SPPL3: variants seen among roughly 807,000 people sequenced by gnomAD.
SPPL3 encodes the protein signal peptide peptidase like 3, also known as signal peptide peptidase-like 3.
A neutral mutation model predicts 42.4 loss-of-function variants in SPPL3; 5 were observed. The ratio of observed to expected loss-of-function variants is 0.12; its 90% CI spans 0.06 to 0.25. The LOEUF is 0.25. Among genes scored for constraint, SPPL3 ranks in the 10% least tolerant of loss-of-function variants. The pLI, the probability that SPPL3 is intolerant of heterozygous loss-of-function variation, is 1.00. For synonymous variants in SPPL3, 195 were observed against 181.8 expected (o/e 1.07, Z -0.58); for missense variants, 235 against 489.0 (o/e 0.48, Z 4.90).
chr12:120,901,634 T>A, intron 1 of SPPL3, among the ~76,000 whole-genome samples: 1 of 146,950 alleles, frequency 6.8e-6, no homozygotes, highest in Non-Finnish European at 1.5e-5. Flanking sequence ...CTTTCCCCAG[T>A]CTCCCCTTAT....
chr12:120,861,810 A>G (rs1872623919), intron 1 of SPPL3, among the ~76,000 whole-genome samples: 1 of 152,222 alleles, frequency 6.6e-6, no homozygotes, highest in Non-Finnish European at 1.5e-5. Flanking sequence ...GATACCCAAG[A>G]TTTCTGAGAT....
chr12:120,872,527 T>C (rs1450843191), intron 1 of SPPL3, among the ~76,000 whole-genome samples: 1 of 152,090 alleles, frequency 6.6e-6, no homozygotes, highest in Non-Finnish European at 1.5e-5. Context: ...CCAACAGAGC[T>C]GGGGGAAGCT....
intron 2 of SPPL3, among the ~76,000 whole-genome samples, chr12:120,800,041 A>G (rs1295542898): frequency 6.6e-6 from 1 of 152,216 alleles, no homozygotes; most frequent in Non-Finnish European, 1.5e-5. Context: ...TGGACCTAGA[A>G]CAGTTCGCTG....
chr12:120,807,606 G>A (rs1054328728), intron 2 of SPPL3, among the ~76,000 whole-genome samples: 13 of 151,576 alleles, frequency 8.6e-5, no homozygotes, highest in African/African-American at 2.7e-4. Context: ...CCTGGGAGGC[G>A]GAGGTTGTGG....
At chr12:120,885,274 A>G (rs1389351384) in intron 1 of SPPL3, among the ~76,000 whole-genome samples, 3 of 152,224 alleles carry the variant, frequency 2.0e-5, no homozygotes, top group Admixed American at 1.3e-4. Flanking sequence ...AAACTGATTA[A>G]AAAGATAGTA....
At chr12:120,887,941 G>C (rs939523722) in intron 1 of SPPL3, among the ~76,000 whole-genome samples, 1 of 152,212 alleles carries the variant, frequency 6.6e-6, no homozygotes, top group African/African-American at 2.4e-5. Context: ...GTTTTGGAAA[G>C]CTGTTTGGCA....
intron 1 of SPPL3, among the ~76,000 whole-genome samples, chr12:120,890,552 G>C (rs1873605878): frequency 7.3e-6 from 1 of 136,184 alleles, no homozygotes; most frequent in African/African-American, 2.8e-5. Context: ...TCGCGCCATT[G>C]TACTCCAGCC....
At chr12:120,845,524 T>C in intron 1 of SPPL3, 1 of 451,594 alleles carries the variant, frequency 2.2e-6, no homozygotes, top group Non-Finnish European at 4.3e-6. Context: ...GGAATGGTGG[T>C]CACCATCTCC....
chr12:120,841,864 A>T (rs547402316), intron 1 of SPPL3, among the ~76,000 whole-genome samples: 1 of 152,340 alleles, frequency 6.6e-6, no homozygotes, highest in African/African-American at 2.4e-5. Flanking sequence ...AAGCAAAATA[A>T]GCATCAATAT....
chr12:120,811,917 G>A (rs532939012), intron 1 of SPPL3, among the ~76,000 whole-genome samples: 1 of 152,192 alleles, frequency 6.6e-6, no homozygotes, highest in Non-Finnish European at 1.5e-5. Flanking sequence ...GAGAAGTATA[G>A]GGTACTATGA....
chr12:120,815,935 G>C (rs1253159876), intron 1 of SPPL3, among the ~76,000 whole-genome samples: 5 of 151,898 alleles, frequency 3.3e-5, no homozygotes, highest in Non-Finnish European at 7.4e-5. Flanking sequence ...TTGTCACGTT[G>C]CCCAGGCTGG....
intron 6 of SPPL3, among the ~76,000 whole-genome samples, chr12:120,771,800 C>G (rs1414915626): frequency 2.0e-5 from 3 of 152,214 alleles, no homozygotes; most frequent in Admixed American, 6.5e-5. Context: ...AGGGCACTCT[C>G]CACTGTACAG....
intron 2 of SPPL3, among the ~76,000 whole-genome samples, chr12:120,809,633 C>T (rs1486014599): frequency 6.6e-6 from 1 of 152,168 alleles, no homozygotes; most frequent in Admixed American, 6.5e-5. Context: ...TAAAGTTCCT[C>T]TCGACTGAGG....
chr12:120,852,760 CTATGT>C lies in SPPL3; in HGVS notation c.24-41879_24-41875del, dbSNP rs1872286051. On this transcript the variant is annotated intron_variant, in intron 1 of 10. Transcript: ENST00000353487. ...ATATAATATATTTCATATATTATAT[CTATGT>C]ATATTATATATAAAATATATTTCAT... Among the ~76,000 whole-genome samples, 142 of 50,908 alleles carry C rather than the reference CTATGT, an allele frequency of 2.8e-3. 3 individuals carry two copies. The highest frequency in any genetic ancestry group is 0.016 in the East Asian group (31 of 1,978). 33.4% of individuals were successfully genotyped at this position (50,908 alleles called of 152,430 possible).
chr12:120,881,210 T>G (rs1593009486), intron 1 of SPPL3, among the ~76,000 whole-genome samples: 1 of 151,880 alleles, frequency 6.6e-6, no homozygotes, highest in African/African-American at 2.4e-5. Flanking sequence ...GGCTCCCGCC[T>G]GTAATCCCAG....
chr12:120,814,967 T>C (rs1044040064), intron 1 of SPPL3, among the ~76,000 whole-genome samples: 2 of 152,150 alleles, frequency 1.3e-5, no homozygotes, highest in Non-Finnish European at 2.9e-5. Context: ...ATTGTGTAGA[T>C]GCCCCACAGT....
chr12:120,893,026 T>TATACA (rs1424492489), intron 1 of SPPL3, among the ~76,000 whole-genome samples: 1 of 145,240 alleles, frequency 6.9e-6, no homozygotes, highest in East Asian at 2.0e-4. Flanking sequence ...TAGTGGACAA[T>TATACA]ATACAAACCA....
chr12:120,815,177 T>C (rs1870824630), intron 1 of SPPL3, among the ~76,000 whole-genome samples: 1 of 152,190 alleles, frequency 6.6e-6, no homozygotes, highest in Admixed American at 6.5e-5. Flanking sequence ...GGAAATGCAC[T>C]TGCAATTTGA....
chr12:120,820,846 ACT>A (rs1315245782), intron 1 of SPPL3, among the ~76,000 whole-genome samples: 1 of 152,060 alleles, frequency 6.6e-6, no homozygotes, highest in East Asian at 1.9e-4. Context: ...TAATCCCAAC[ACT>A]CTGGGAGGCT....
Sources: gnomAD v4.1 joint callset for allele counts (sites outside exome capture counted in the v4.1 genomes callset) on GRCh38, gnomAD v4.1.1 for gene constraint, MANE v1.5 for transcripts, NCBI Gene and HGNC (gene_info 2026-07-23, HGNC 2026-07-21) for gene names.